The following AHRR variants were observed in gnomAD, a reference collection of about 807,000 sequenced individuals.
AHRR encodes the protein aryl hydrocarbon receptor repressor.
Under a neutral mutation model 44.0 loss-of-function variants are expected in AHRR, and 28 were observed. The ratio of observed to expected loss-of-function variants is 0.64; its 90% CI spans 0.47 to 0.87. The LOEUF is 0.87. Ranked by LOEUF, AHRR falls within the 40% of genes least tolerant of loss-of-function variation. The pLI, the probability that AHRR is intolerant of heterozygous loss-of-function variation, is 0.00. For synonymous variants in AHRR, 434 were observed against 407.0 expected (o/e 1.07, Z -0.80); for missense variants, 990 against 953.9 (o/e 1.04, Z -0.50).
intron 3 of AHRR, 72 bp from the exon 4 acceptor site, chr5:376,538 A>G (rs1733676254): frequency 6.8e-6 from 10 of 1,475,274 alleles, no homozygotes; most frequent in East Asian, 2.4e-5. Context: ...GAAACACAGG[A>G]AAGATGTGAA....
At position 420,116 on chromosome 5, in the gene AHRR, G is replaced by A. The variant is rs116166042; in HGVS notation, c.442-2613G>A. Among the ~76,000 whole-genome samples, 736 of 152,364 alleles carry A rather than the reference G, an allele frequency of 4.8e-3. 10 individuals carry two copies. Among genetic ancestry groups the A allele is most frequent in the African/African-American group, 0.017 (703 of 41,574 alleles). On this transcript the variant is annotated intron_variant, in intron 5 of 10. Transcript: ENST00000684583. ...GACGGGCCCTGAGGCTGCCGCCATA[G>A]AGCGGCAGAACCGTGCAGTTCCTGG...
rs1038016382 is a variant in AHRR at position 388,835 on chromosome 5, G to C, written c.351+12119G>C. ...GATGGAAACAGGAAGCTGGCAGGAG[G>C]ACAGTGTGGCTGGGCCAGATGCCTG... On this transcript the variant is annotated intron_variant, in intron 4 of 10. Coordinates refer to ENST00000684583, the MANE Select transcript of AHRR (RefSeq NM_001377236.1). This position sits in a 1 kb window ranked among gnomAD's most constrained non-coding sequence, Gnocchi z 5.2. 2.6e-5 allele frequency among the ~76,000 whole-genome samples: 4 copies of C among 152,230 alleles called. No individual in the cohort carries two copies. The highest frequency in any genetic ancestry group is 7.2e-5 in the African/African-American group (3 of 41,458).
intron 4 of AHRR, among the ~76,000 whole-genome samples, chr5:397,099 A>G (rs1194443075): frequency 5.2e-5 from 5 of 96,692 alleles, no homozygotes; most frequent in Admixed American, 1.1e-4. Flanking sequence ...GCCCCTGACC[A>G]TCCACGTAGC....
At chr5:433,766 C>T (rs1176686207) in intron 10 of AHRR, 87 bp from the exon 11 acceptor site, 36 of 1,351,062 alleles carry the variant, frequency 2.7e-5, no homozygotes, top group Non-Finnish European at 3.1e-5. Context: ...GTCCTGATTT[C>T]GTAGCCTCCC....
At chr5:423,772 GGTT>G (rs1251490333) in intron 6 of AHRR, 66 bp from the exon 7 acceptor site, 6 of 1,527,924 alleles carry the variant, frequency 3.9e-6, no homozygotes, top group East Asian at 4.6e-5. Flanking sequence ...CCGTGGGCGT[GGTT>G]GTGCGTGTGA....
At chr5:356,367 G>A (rs1743046400) in intron 3 of AHRR, among the ~76,000 whole-genome samples, 2 of 152,230 alleles carry the variant, frequency 1.3e-5, no homozygotes, top group Admixed American at 6.5e-5. Context: ...CAGAAGCCCC[G>A]GCTCTGTTGC....
intron 4 of AHRR, among the ~76,000 whole-genome samples, chr5:401,676 C>T (rs777395410): frequency 3.4e-4 from 51 of 152,220 alleles, no homozygotes; most frequent in Non-Finnish European, 4.6e-4. Flanking sequence ...GCCAGCTCTG[C>T]GGGGCACAGA....
rs532670907 is a variant in AHRR at position 437,175 on chromosome 5, T to C, written c.*2341T>C. ...ACCAGCCTGGGCAACACAGGAAGAA[T>C]GTGTCTCTACAAAAAATAATTAAAA... On this transcript the variant is annotated 3_prime_UTR_variant, in exon 11 of 11. Coordinates refer to ENST00000684583, the MANE Select transcript of AHRR (RefSeq NM_001377236.1). 2 of 152,422 alleles carry C rather than the reference T, an allele frequency of 1.3e-5. No individual in the cohort carries two copies. Among genetic ancestry groups the C allele is most frequent in the African/African-American group, 4.8e-5 (2 of 41,574 alleles). 9.4% of individuals were successfully genotyped at this position (152,422 alleles called of 1,614,324 possible).
chr5:372,612 C>G (rs1019209907), intron 3 of AHRR, among the ~76,000 whole-genome samples: 10 of 152,102 alleles, frequency 6.6e-5, no homozygotes, highest in Admixed American at 3.3e-4. Flanking sequence ...GGCTGGGGTG[C>G]GTGATCTCCA....
intron 8 of AHRR, among the ~76,000 whole-genome samples, chr5:429,549 G>T (rs1180890727): frequency 6.6e-6 from 1 of 152,218 alleles, no homozygotes; most frequent in African/African-American, 2.4e-5. Flanking sequence ...CCTGCTCTGT[G>T]ACTCCGAGAC....
intron 4 of AHRR, among the ~76,000 whole-genome samples, chr5:379,748 T>A (rs571993200): frequency 1.3e-5 from 2 of 152,242 alleles, no homozygotes; most frequent in African/African-American, 4.8e-5. Flanking sequence ...TCCTTTCTCA[T>A]ATGTATGATT....
At chr5:373,905 G>T (rs1459998795) in intron 3 of AHRR, among the ~76,000 whole-genome samples, 2 of 150,960 alleles carry the variant, frequency 1.3e-5, no homozygotes, top group African/African-American at 4.8e-5. Flanking sequence ...TCGCGTGACG[G>T]CGCCGGCGGC....
At chr5:360,335 G>T (rs1466821001) in intron 3 of AHRR, among the ~76,000 whole-genome samples, 1 of 152,246 alleles carries the variant, frequency 6.6e-6, no homozygotes, top group African/African-American at 2.4e-5. Flanking sequence ...CTCCAGAAAT[G>T]TGGGAAAGCC....
rs35756515 is a variant in AHRR at position 434,104 on chromosome 5, C to T, written c.1364C>T (p.Pro455Leu). ...TCGCCCATCTCTCACCCGCCGAGCC[C>T]GTCCCCCAGTGCCTACTCCAGCCGG... ...RNSPISHPPS[P>L]SPSAYSSRTS... The change falls in exon 11 of 11, where the codon CCG becomes CTG. Residue 455 changes from proline (P) to leucine (L), a missense_variant. Pro to Leu is a moderately conservative substitution (Grantham distance 98). Transcript: ENST00000684583. The T allele has an allele frequency of 4.5e-4, 722 of 1,612,976 alleles. 1 individual carries two copies. The highest frequency in any genetic ancestry group is 5.8e-4 in the Non-Finnish European group (684 of 1,179,948).
At chr5:334,090 A>G (rs1207991406) in intron 1 of AHRR, among the ~76,000 whole-genome samples, 2 of 152,112 alleles carry the variant, frequency 1.3e-5, no homozygotes, top group East Asian at 3.8e-4. Flanking sequence ...CTCCACTCTT[A>G]GTCTGATGAA....
chr5:374,541 G>A (rs1367840461), intron 3 of AHRR, among the ~76,000 whole-genome samples: 1 of 152,214 alleles, frequency 6.6e-6, no homozygotes, highest in African/African-American at 2.4e-5. Flanking sequence ...GAATAGTCCT[G>A]CTTTGTGGCA....
intron 2 of AHRR, 56 bp downstream of exon 2, chr5:344,020 T>C: frequency 6.5e-7 from 1 of 1,546,644 alleles, no homozygotes; most frequent in Non-Finnish European, 8.7e-7. Flanking sequence ...AAGGGGAGGG[T>C]TGGGGTTTGC....
In AHRR at chr5:403,434, G is replaced by A. The variant is rs186315807; in HGVS notation, c.352-9910G>A. ...GTGGATCACCTGAGGTCAGGAGTTC[G>A]AGACCAGCCTGGCCAACATGGTGAA... On this transcript the variant is annotated intron_variant, in intron 4 of 10. Transcript: ENST00000684583. 3.5e-3 allele frequency among the ~76,000 whole-genome samples: 540 copies of A among 152,118 alleles called. 4 individuals are homozygous for A. Among genetic ancestry groups the A allele is most frequent in the South Asian group, 6.4e-3 (31 of 4,824 alleles).
rs1741731430 is a variant in AHRR at position 326,889 on chromosome 5, T to C, written c.-11+5070T>C. ...GCCTGACCAATATGGTGAAACCCCA[T>C]CTCTACCAAAAATACAAAAATTAGC... On this transcript the variant is annotated intron_variant, in intron 1 of 10. Transcript: ENST00000684583. The surrounding 1 kb of genome is among the most constrained non-coding windows in gnomAD (Gnocchi z 4.1). 6.6e-6 allele frequency among the ~76,000 whole-genome samples: 1 copy of C among 152,090 alleles called. No individual in the cohort carries two copies. Among genetic ancestry groups the C allele is most frequent in the Non-Finnish European group, 1.5e-5 (1 of 68,010 alleles).
Sources: gnomAD v4.1 joint callset for allele counts (sites outside exome capture counted in the v4.1 genomes callset) on GRCh38, gnomAD v4.1.1 for gene constraint, Gnocchi (gnomAD v3.1) non-coding constraint, MANE v1.5 for transcripts, NCBI Gene and HGNC (gene_info 2026-07-23, HGNC 2026-07-21) for gene names.